CHEK1: variants seen among roughly 807,000 people sequenced by gnomAD.
The protein encoded by CHEK1 is checkpoint kinase 1.
CHEK1 carries 32 observed loss-of-function variants against 60.2 expected under a neutral mutation model. The ratio of observed to expected loss-of-function variants is 0.53; its 90% CI spans 0.40 to 0.71. The LOEUF (loss-of-function observed/expected upper bound fraction) is 0.71. Ranked by LOEUF, CHEK1 falls within the 30% of genes least tolerant of loss-of-function variation. The pLI, the probability that CHEK1 is intolerant of heterozygous loss-of-function variation, is 0.00. For missense variants in CHEK1, 399 were observed against 564.6 expected (o/e 0.71, Z 2.97); for synonymous variants, 179 against 187.2 (o/e 0.96, Z 0.36).
chr11:125,660,006 A>T (rs1051017067), downstream of CHEK1, among the ~76,000 whole-genome samples: 10 of 152,158 alleles, frequency 6.6e-5, no homozygotes, highest in African/African-American at 2.4e-4. Context: ...AAGATTCTCC[A>T]TGTTGTAGCA....
chr11:125,645,220 A>G (rs1033703995), intron 11 of CHEK1, among the ~76,000 whole-genome samples: 3 of 152,158 alleles, frequency 2.0e-5, no homozygotes, highest in Non-Finnish European at 2.9e-5. Flanking sequence ...AGCTGGAATC[A>G]TTATCTTTGT....
intron 11 of CHEK1, chr11:125,649,943 A>T (rs923220954): frequency 1.3e-5 from 2 of 152,068 alleles, no homozygotes; most frequent in Non-Finnish European, 2.9e-5. Context: ...TCAGCTGTTA[A>T]TCTTACTGAG....
intron 13 of CHEK1, among the ~76,000 whole-genome samples, chr11:125,674,932 C>T (rs1942416352): frequency 1.3e-5 from 2 of 152,176 alleles, no homozygotes; most frequent in Admixed American, 1.3e-4. Context: ...ACTCTTTGCT[C>T]TTTTTCCTAT....
chr11:125,671,059 A>G (rs1303991020), intron 13 of CHEK1, among the ~76,000 whole-genome samples: 1 of 152,084 alleles, frequency 6.6e-6, no homozygotes, highest in African/African-American at 2.4e-5. Context: ...GACATGAGCC[A>G]TCATACCCAG....
At chr11:125,673,019 C>T (rs1591433720) in intron 13 of CHEK1, among the ~76,000 whole-genome samples, 1 of 152,002 alleles carries the variant, frequency 6.6e-6, no homozygotes, top group East Asian at 1.9e-4. Context: ...CCTTCCTTTC[C>T]TTACAGCCTT....
rs575911033 is a variant in CHEK1 at position 125,652,974 on chromosome 11, T to C, written c.1234-772T>C. On this transcript the variant is annotated intron_variant, in intron 11 of 12. Coordinates refer to ENST00000438015, the MANE Select transcript of CHEK1 (RefSeq NM_001114122.3). ...CTCTATCTTTCCCTTCCCTCTCCCC[T>C]TCCTGGACTCTAGTATCCTCTGTTC... Among the ~76,000 whole-genome samples the C allele has an allele frequency of 1.4e-4, 22 of 152,298 alleles. No individual in the cohort carries two copies. In the East Asian group the frequency reaches 1.7e-3, roughly 12 times the overall value.
chr11:125,629,723 G>T (rs939221847), intron 5 of CHEK1, among the ~76,000 whole-genome samples: 5 of 137,628 alleles, frequency 3.6e-5, no homozygotes, highest in African/African-American at 5.1e-5. Flanking sequence ...ATATGTATAA[G>T]AATAATTTTT....
chr11:125,680,583 T>C, downstream of CHEK1: 4 of 685,654 alleles, frequency 5.8e-6, no homozygotes, highest in Non-Finnish European at 1.0e-5. Flanking sequence ...GTTCAGGAGC[T>C]CTCCGAGTTG....
chr11:125,656,534 T>C lies in CHEK1; in HGVS notation c.*1214T>C, dbSNP rs901335616. ...AACCTGTTTTATTTATTTGAACCTATTTACGGTATGCTTAAGAATTGAATC... is the reference window on the plus strand; with the variant it reads ...AACCTGTTTTATTTATTTGAACCTACTTACGGTATGCTTAAGAATTGAATC... On this transcript the variant is annotated 3_prime_UTR_variant, in exon 13 of 13. Coordinates refer to ENST00000438015, the MANE Select transcript of CHEK1 (RefSeq NM_001114122.3). 2 of 214,738 alleles carry C rather than the reference T, an allele frequency of 9.3e-6. No individual in the cohort carries two copies. The highest frequency in any genetic ancestry group is 4.5e-5 in the African/African-American group (2 of 44,326). 13.3% of individuals were successfully genotyped at this position (214,738 alleles called of 1,614,324 possible). A position where few individuals can be genotyped will look rare whatever the true frequency, so the allele number is the denominator to read the frequency against.
At chr11:125,630,639 G>A (rs1940828801) in intron 5 of CHEK1, among the ~76,000 whole-genome samples, 1 of 151,944 alleles carries the variant, frequency 6.6e-6, no homozygotes, top group Non-Finnish European at 1.5e-5. Flanking sequence ...ATGTGCATAT[G>A]GATTTTACTT....
intron 13 of CHEK1, among the ~76,000 whole-genome samples, chr11:125,664,922 A>G (rs569295643): frequency 6.6e-6 from 1 of 152,218 alleles, no homozygotes; most frequent in African/African-American, 2.4e-5. Context: ...TACATTTAGA[A>G]CTTTAATTCA....
Position 125,672,199 on chromosome 11 carries a change from C to T in CHEK1, c.*28-3729C>T, listed in dbSNP as rs189307614. 277 of 163,196 alleles carry T rather than the reference C, an allele frequency of 1.7e-3. 1 individual carries two copies. Among genetic ancestry groups the T allele is most frequent in the Middle Eastern group, 3.1e-3 (1 of 326 alleles). 10.1% of individuals were successfully genotyped at this position (163,196 alleles called of 1,614,324 possible). A position where few individuals can be genotyped will look rare whatever the true frequency, so the allele number is the denominator to read the frequency against. ...TGCATTCCTCTTTGTTGTCTCTGCC[C>T]TTGGAGACTCCTTTACTTTCATAAA... is the stretch of plus-strand genomic sequence containing the variant. On this transcript the variant is annotated intron_variant, in intron 13 of 13. Transcript: ENST00000428830.
At chr11:125,651,708 G>A (rs1941741924) in intron 11 of CHEK1, among the ~76,000 whole-genome samples, 1 of 152,142 alleles carries the variant, frequency 6.6e-6, no homozygotes, top group Non-Finnish European at 1.5e-5. Flanking sequence ...TATTTTCAAG[G>A]CTGCTACTGA....
intron 13 of CHEK1, among the ~76,000 whole-genome samples, chr11:125,673,833 A>G (rs11220182): frequency 0.12 from 18,084 of 151,938 alleles, 1,283 homozygotes; most frequent in Admixed American, 0.23. Flanking sequence ...TCTACTTGCA[A>G]TCTAGTTTGT....
chr11:125,646,069 A>T (rs1263185547), intron 11 of CHEK1, among the ~76,000 whole-genome samples: 1 of 152,132 alleles, frequency 6.6e-6, no homozygotes, highest in Non-Finnish European at 1.5e-5. Flanking sequence ...CATCGCCCCT[A>T]ATTCCAGAAC....
intron 13 of CHEK1, among the ~76,000 whole-genome samples, chr11:125,668,061 A>G (rs1942129597): frequency 6.6e-6 from 1 of 152,242 alleles, no homozygotes; most frequent in African/African-American, 2.4e-5. Context: ...CTTAGAATAA[A>G]GACCTTCTCA....
intron 6 of CHEK1, among the ~76,000 whole-genome samples, chr11:125,634,962 G>GT (rs35745732): frequency 0.32 from 46,565 of 145,660 alleles, 7,450 homozygotes; most frequent in East Asian, 0.43. Context: ...CTGTTTTTTG[G>GT]TTTTTTTTTT....
chr11:125,636,631 T>A (rs1427512275), intron 7 of CHEK1, among the ~76,000 whole-genome samples: 1 of 152,072 alleles, frequency 6.6e-6, no homozygotes, highest in Non-Finnish European at 1.5e-5. Flanking sequence ...TTAATACTAA[T>A]GAAGTTGTAT....
At position 125,635,539 on chromosome 11, in the gene CHEK1, T is replaced by G; in HGVS notation, c.718+6T>G. 1 of 1,541,004 alleles carries G rather than the reference T, an allele frequency of 6.5e-7. No individual in the cohort carries two copies. Among genetic ancestry groups the G allele is most frequent in the Non-Finnish European group, 8.8e-7 (1 of 1,129,988 alleles). ...AATCGATTCTGCTCCTCTAGGTAAC[T>G]GAATTATCTTGAGTGAAAGAGTACC... On this transcript the variant is annotated splice_donor_region_variant and intron_variant, in intron 7 of 12. Coordinates refer to ENST00000438015, the MANE Select transcript of CHEK1 (RefSeq NM_001114122.3).
Sources: gnomAD v4.1 joint callset for allele counts (sites outside exome capture counted in the v4.1 genomes callset) on GRCh38, gnomAD v4.1.1 for gene constraint, MANE v1.5 for transcripts, NCBI Gene and HGNC (gene_info 2026-07-23, HGNC 2026-07-21) for gene names.